Variants in MACROD2 observed in about 807,000 individuals in gnomAD.
MACROD2 encodes mono-ADP ribosylhydrolase 2.
MACROD2 carries 36 observed loss-of-function variants against 70.4 expected under a neutral mutation model. That is an observed-to-expected ratio of 0.51 (90% CI 0.39 to 0.68). MACROD2 has a LOEUF of 0.68. Ranked by LOEUF, MACROD2 falls within the 30% of genes least tolerant of loss-of-function variation. The pLI, the probability that MACROD2 is intolerant of heterozygous loss-of-function variation, is 0.00. For synonymous variants in MACROD2, 172 were observed against 178.8 expected, an observed-to-expected ratio of 0.96 and a Z score of 0.30; for missense variants, 496 against 538.4, an observed-to-expected ratio of 0.92 and a Z score of 0.78.
intron 5 of MACROD2, among the ~76,000 whole-genome samples, chr20:15,087,182 T>C (rs1245427358): frequency 6.6e-6 from 1 of 152,082 alleles, no homozygotes; most frequent in Non-Finnish European, 1.5e-5. Flanking sequence ...AATGTATAGC[T>C]ATCGGGACTC....
chr20:15,189,348 G>C (rs1221979914), intron 5 of MACROD2, among the ~76,000 whole-genome samples: 1 of 151,744 alleles, frequency 6.6e-6, no homozygotes, highest in Non-Finnish European at 1.5e-5. Context: ...GTAAATATAT[G>C]TGTGTATGTG....
chr20:15,587,976 C>A (rs1443370236), intron 8 of MACROD2, among the ~76,000 whole-genome samples: 1 of 152,218 alleles, frequency 6.6e-6, no homozygotes, highest in Non-Finnish European at 1.5e-5. Context: ...CCAGTAGGAA[C>A]TCTGTGTGGG....
intron 2 of MACROD2, among the ~76,000 whole-genome samples, chr20:14,062,080 T>C (rs1328672541): frequency 6.6e-6 from 1 of 152,190 alleles, no homozygotes; most frequent in Admixed American, 6.5e-5. Flanking sequence ...GAAATTAAAA[T>C]ATCATGCCTA....
At chr20:15,607,002 CAAA>C (rs35981862) in intron 8 of MACROD2, among the ~76,000 whole-genome samples, 4 of 95,882 alleles carry the variant, frequency 4.2e-5, no homozygotes, top group Admixed American at 1.3e-4. Context: ...AACTCCATCT[CAAA>C]AAAAAAAAAA....
intron 3 of MACROD2, among the ~76,000 whole-genome samples, chr20:14,413,855 A>G (rs1486519997): frequency 6.6e-6 from 1 of 151,798 alleles, no homozygotes; most frequent in East Asian, 1.9e-4. Flanking sequence ...ATGGGCAGAA[A>G]CAGCCTTTGC....
intron 3 of MACROD2, among the ~76,000 whole-genome samples, chr20:14,306,325 A>G (rs2082520764): frequency 6.6e-6 from 1 of 152,072 alleles, no homozygotes; most frequent in South Asian, 2.1e-4. Context: ...GTCATTATTC[A>G]AGTTATTGAT....
intron 5 of MACROD2, among the ~76,000 whole-genome samples, chr20:14,931,771 G>A (rs1201785611): frequency 2.0e-5 from 3 of 151,650 alleles, no homozygotes; most frequent in African/African-American, 7.3e-5. Flanking sequence ...GATGAGGTGG[G>A]AAGATCGCTT....
At chr20:15,136,248 T>C (rs375009756) in intron 5 of MACROD2, among the ~76,000 whole-genome samples, 5 of 145,700 alleles carry the variant, frequency 3.4e-5, no homozygotes, top group African/African-American at 5.1e-5. Context: ...GAGCCCGCAT[T>C]GCCAAGTCAA....
At chr20:14,136,250 G>A (rs927813599) in intron 3 of MACROD2, among the ~76,000 whole-genome samples, 1 of 151,952 alleles carries the variant, frequency 6.6e-6, no homozygotes, top group East Asian at 1.9e-4. Flanking sequence ...AAAATGGATC[G>A]TAGACTTAAA....
intron 4 of MACROD2, among the ~76,000 whole-genome samples, chr20:14,597,438 C>T (rs961728689): frequency 2.0e-5 from 3 of 152,118 alleles, no homozygotes; most frequent in African/African-American, 7.2e-5. Context: ...AGTGAGTTGA[C>T]TTGGAAGTGT....
intron 6 of MACROD2, among the ~76,000 whole-genome samples, chr20:15,398,660 G>GA (rs2045891359): frequency 6.6e-6 from 1 of 152,084 alleles, no homozygotes; most frequent in Admixed American, 6.5e-5. Context: ...TTAGCATTGT[G>GA]AAAAAAAGAT....
At position 14,252,720 on chromosome 20, in the gene MACROD2, C is replaced by G. The variant is rs185310263; in HGVS notation, c.271+166992C>G. On this transcript the variant is annotated intron_variant, in intron 3 of 17. Transcript: ENST00000684519. ...ATCTCATGTTCTTGTTATTTCTTGT[C>G]CCCTGTCTTGATAACAAATTTCCTC... Among the ~76,000 whole-genome samples, 10 of 152,040 alleles carry G rather than the reference C, an allele frequency of 6.6e-5. No homozygotes were observed. The East Asian group carries it at 1.9e-3, about 29-fold the overall frequency.
chr20:14,061,217 C>T (rs975889791), intron 2 of MACROD2, among the ~76,000 whole-genome samples: 3 of 152,090 alleles, frequency 2.0e-5, no homozygotes, highest in Admixed American at 1.3e-4. Flanking sequence ...TATTAATAGA[C>T]TATTCCACTG....
At chr20:15,174,338 T>G (rs1179020024) in intron 5 of MACROD2, among the ~76,000 whole-genome samples, 1 of 152,224 alleles carries the variant, frequency 6.6e-6, no homozygotes. Context: ...CAGCACATAT[T>G]TTTTAAGTAA....
intron 4 of MACROD2, among the ~76,000 whole-genome samples, chr20:14,581,483 C>G (rs897879596): frequency 1.8e-4 from 27 of 152,300 alleles, no homozygotes; most frequent in African/African-American, 6.5e-4. Flanking sequence ...TGTAGCATGA[C>G]TTCCTTAATT....
intron 9 of MACROD2, among the ~76,000 whole-genome samples, chr20:15,877,605 C>G (rs1232859936): frequency 6.6e-6 from 1 of 152,172 alleles, no homozygotes; most frequent in Admixed American, 6.6e-5. Context: ...ATCGGACATT[C>G]TTTGCCTGAA....
chr20:14,515,465 G>GCGCGCGCACACACA (rs1369248292), intron 4 of MACROD2, among the ~76,000 whole-genome samples: 6 of 127,170 alleles, frequency 4.7e-5, no homozygotes, highest in African/African-American at 1.9e-4. Flanking sequence ...ACACACACAC[G>GCGCGCGCACACACA]CACACACACA....
At chr20:14,720,387 C>A (rs2071450506) in intron 5 of MACROD2, among the ~76,000 whole-genome samples, 1 of 152,042 alleles carries the variant, frequency 6.6e-6, no homozygotes, top group Non-Finnish European at 1.5e-5. Flanking sequence ...GGTCTCCAAC[C>A]AACCAGGGTG....
chr20:14,963,026 T>A (rs2074598786), intron 5 of MACROD2, among the ~76,000 whole-genome samples: 1 of 152,134 alleles, frequency 6.6e-6, no homozygotes, highest in South Asian at 2.1e-4. Flanking sequence ...TTAAGATAGT[T>A]TAGGACTCCG....
Sources: allele counts gnomAD v4.1 joint callset (sites outside exome capture counted in the v4.1 genomes callset), GRCh38; gene constraint gnomAD v4.1.1; transcripts MANE v1.5; gene names NCBI Gene and HGNC (gene_info 2026-07-23, HGNC 2026-07-21).